Variants in COL4A5 observed in about 807,000 individuals in gnomAD.
COL4A5 encodes collagen type IV alpha 5 chain, also known as collagen alpha-5(IV) chain.
Under a neutral mutation model 130.2 loss-of-function variants are expected in COL4A5, and 26 were observed. The observed-to-expected ratio is 0.20, with a 90% CI of 0.15 to 0.28. The LOEUF is 0.28. COL4A5 is among the 10% of genes least tolerant of loss of function. The pLI is 1.00. For synonymous variants in COL4A5, 496 were observed against 439.6 expected (o/e 1.13, Z -1.60); for missense variants, 1,131 against 1,344.3 (o/e 0.84, Z 2.48).
At chrX:108,613,888 T>C (rs1312592927) in intron 29 of COL4A5, among the ~76,000 whole-genome samples, 1 of 112,038 alleles carries the variant, frequency 8.9e-6, no homozygotes, top group Admixed American at 9.5e-5. Flanking sequence ...CAATTTCTTA[T>C]ATAGTTAAAC....
intron 36 of COL4A5, among the ~76,000 whole-genome samples, chrX:108,630,202 T>C (rs868593763): frequency 8.9e-6 from 1 of 112,006 alleles, no homozygotes; most frequent in Non-Finnish European, 1.9e-5. Context: ...CTAATGGTAT[T>C]TCTAGTTCTA....
At chrX:108,676,976 A>C (rs1047958060) in intron 43 of COL4A5, 1 of 111,917 alleles carries the variant, frequency 8.9e-6, no homozygotes, top group South Asian at 3.7e-4. Flanking sequence ...TGCAGTAACG[A>C]GAAGGGAGGA....
At chrX:108,665,280 G>A (rs1372358310) in intron 37 of COL4A5, among the ~76,000 whole-genome samples, 2 of 111,744 alleles carry the variant, frequency 1.8e-5, no homozygotes, top group African/African-American at 6.5e-5. Flanking sequence ...AGTATAATAT[G>A]GTGGTAGTTA....
At chrX:108,601,512 A>T in intron 26 of COL4A5, 27 bp downstream of exon 26, 1 of 990,355 alleles carries the variant, frequency 1.0e-6, no homozygotes, top group Non-Finnish European at 1.4e-6. Context: ...TTTCAAAGTA[A>T]CTTCAACACC....
chrX:108,668,484 A>G lies in COL4A5; in HGVS notation c.3770A>G (p.Gln1257Arg), dbSNP rs1436826165. Residue 1257 changes from glutamine to arginine, a missense_variant, in exon 41 of 53, where the codon CAA becomes CGA. By Grantham distance (43) the Gln-to-Arg change is conservative. Coordinates refer to ENST00000328300, the MANE Select transcript of COL4A5 (RefSeq NM_033380.3). ...LEGPKGNPGPQGPPGRPGPTG... is the reference protein window; with the variant it reads ...LEGPKGNPGPRGPPGRPGPTG... ...GGACCTAAAGGCAACCCTGGGCCCCAAGGTCCTCCTGGGAGACCAGGTATG... is the reference window on the plus strand; with the variant it reads ...GGACCTAAAGGCAACCCTGGGCCCCGAGGTCCTCCTGGGAGACCAGGTATG... The G allele has an allele frequency of 4.2e-6, 5 of 1,189,966 alleles. No individual in the cohort carries two copies. Among genetic ancestry groups the G allele is most frequent in the African/African-American group, 1.8e-5 (1 of 56,403 alleles).
intron 1 of COL4A5, among the ~76,000 whole-genome samples, chrX:108,442,708 C>G (rs1038527613): frequency 1.8e-5 from 2 of 111,504 alleles, no homozygotes; most frequent in African/African-American, 6.5e-5. Context: ...AACACTTCAT[C>G]CTCTATGAAG....
At chrX:108,514,839 T>G (rs200356811) in intron 1 of COL4A5, among the ~76,000 whole-genome samples, 1 of 111,791 alleles carries the variant, frequency 8.9e-6, no homozygotes, top group East Asian at 2.8e-4. Flanking sequence ...GGTTGTTACA[T>G]TGCATATTGC....
intron 1 of COL4A5, among the ~76,000 whole-genome samples, chrX:108,452,012 G>A (rs1161642722): frequency 4.5e-5 from 5 of 111,954 alleles, no homozygotes; most frequent in African/African-American, 1.6e-4. Context: ...TAAGGTGTAA[G>A]GAAGGGATCC....
intron 1 of COL4A5, among the ~76,000 whole-genome samples, chrX:108,531,630 A>G (rs1240107796): frequency 1.8e-5 from 2 of 111,031 alleles, no homozygotes; most frequent in African/African-American, 6.5e-5. Context: ...CAGAGACTAC[A>G]AAAGCAAACA....
At chrX:108,688,442 GT>G (rs750606346) in intron 49 of COL4A5, among the ~76,000 whole-genome samples, 17 of 103,217 alleles carry the variant, frequency 1.6e-4, no homozygotes, top group African/African-American at 1.0e-4. Flanking sequence ...TTGTTGTGTT[GT>G]TTTTTTTTTT....
rs28452853 is a variant in COL4A5 at position 108,577,723 on chromosome X, C to T, written c.610-229C>T. The stretch of plus-strand genomic sequence containing the variant: ...ATGGGGCTACCTCTCTACCTCTGCC[C>T]ATCCCAGCTTTTTTCTCTTGCCCAT... On this transcript the variant is annotated intron_variant, in intron 10 of 52. Coordinates refer to ENST00000328300, the MANE Select transcript of COL4A5 (RefSeq NM_033380.3). Among the ~76,000 whole-genome samples, 11,452 of 110,575 alleles carry T rather than the reference C, an allele frequency of 0.1. 1,293 individuals carry two copies. The highest frequency in any genetic ancestry group is 0.34 in the African/African-American group (10,113 of 30,152).
intron 1 of COL4A5, among the ~76,000 whole-genome samples, chrX:108,504,426 T>G (rs2065106688): frequency 1.8e-5 from 2 of 111,165 alleles, no homozygotes; most frequent in Non-Finnish European, 3.8e-5. Context: ...AGGAAAAAAA[T>G]AATCAACAGA....
intron 1 of COL4A5, among the ~76,000 whole-genome samples, chrX:108,452,284 C>G (rs1377263390): frequency 8.9e-6 from 1 of 111,732 alleles, no homozygotes; most frequent in African/African-American, 3.3e-5. Flanking sequence ...GTTCTTTTGG[C>G]TTAGGATTGA....
chrX:108,483,269 C>T (rs1488101077), intron 1 of COL4A5, among the ~76,000 whole-genome samples: 1 of 108,166 alleles, frequency 9.2e-6, no homozygotes, highest in Admixed American at 1.0e-4. Context: ...GAGTTTATTA[C>T]GTATTAACGT....
chrX:108,587,527 A>G (rs2066356881), intron 19 of COL4A5, among the ~76,000 whole-genome samples: 1 of 112,001 alleles, frequency 8.9e-6, no homozygotes, highest in Admixed American at 9.5e-5. Context: ...CCACTGATGA[A>G]CATTCAGGTT....
intron 1 of COL4A5, among the ~76,000 whole-genome samples, chrX:108,478,361 T>C (rs1330582481): frequency 9.0e-6 from 1 of 111,325 alleles, no homozygotes. Flanking sequence ...CGTAATGTTG[T>C]GGGAACAGGA....
intron 32 of COL4A5, 35 bp from the exon 33 acceptor site, chrX:108,622,641 T>C: frequency 8.3e-7 from 1 of 1,198,254 alleles, no homozygotes. Context: ...ATGGATAAAA[T>C]TGATATATTG....
chrX:108,650,933 A>T (rs758554522), intron 36 of COL4A5, among the ~76,000 whole-genome samples: 4 of 110,981 alleles, frequency 3.6e-5, no homozygotes, highest in Non-Finnish European at 7.6e-5. Context: ...TGGAAAAATT[A>T]AAAAAAACAA....
rs1280252177 is a variant in COL4A5, at chrX:108,607,665, G to T, written c.2395+773G>T. Among the ~76,000 whole-genome samples the T allele has an allele frequency of 6.4e-5, 7 of 109,801 alleles. No homozygotes were observed. In the South Asian group the frequency reaches 2.8e-3, roughly 44 times the overall value. On this transcript the variant is annotated intron_variant, in intron 29 of 52. Transcript: ENST00000328300. ...GGCCCAGCTAATTTTTGTATTTTTA[G>T]TAGAGACAGGGTTTCACCATGTTGG...
Sources: gnomAD v4.1 joint callset for allele counts (sites outside exome capture counted in the v4.1 genomes callset) on GRCh38, gnomAD v4.1.1 for gene constraint, MANE v1.5 for transcripts, NCBI Gene and HGNC (gene_info 2026-07-23, HGNC 2026-07-21) for gene names.